MDGA2: variants seen among roughly 807,000 people sequenced by gnomAD.
MDGA2 encodes the protein MAM domain containing glycosylphosphatidylinositol anchor 2.
MDGA2 carries 40 observed loss-of-function variants against 117.8 expected under a neutral mutation model. The observed-to-expected ratio is 0.34, with a 90% CI of 0.26 to 0.44. The LOEUF (loss-of-function observed/expected upper bound fraction) is 0.44. Ranked by LOEUF, MDGA2 falls within the 20% of genes least tolerant of loss-of-function variation. The pLI is 1.00. For missense variants in MDGA2, 1,123 were observed against 1,250.6 expected, an observed-to-expected ratio of 0.90 and a Z score of 1.54; for synonymous variants, 452 against 439.0, an observed-to-expected ratio of 1.03 and a Z score of -0.37.
chr14:47,524,225 T>C (rs1894926368), intron 1 of MDGA2, among the ~76,000 whole-genome samples: 1 of 150,508 alleles, frequency 6.6e-6, no homozygotes, highest in Non-Finnish European at 1.5e-5. Context: ...TTAAACCTAT[T>C]AGACTGAGTA....
chr14:47,553,990 C>A (rs1217197540), intron 1 of MDGA2, among the ~76,000 whole-genome samples: 1 of 152,100 alleles, frequency 6.6e-6, no homozygotes, highest in Non-Finnish European at 1.5e-5. Flanking sequence ...TGTTTTAATC[C>A]TTCCTCCTTT....
At chr14:47,016,530 T>C (rs1221513878) in intron 8 of MDGA2, among the ~76,000 whole-genome samples, 1 of 151,948 alleles carries the variant, frequency 6.6e-6, no homozygotes, top group Admixed American at 6.6e-5. Context: ...ACTTAAAAAA[T>C]AAATGCACTG....
At chr14:47,181,143 T>C (rs1365126387) in intron 3 of MDGA2, among the ~76,000 whole-genome samples, 1 of 152,170 alleles carries the variant, frequency 6.6e-6, no homozygotes, top group Non-Finnish European at 1.5e-5. Flanking sequence ...TACATAGGTA[T>C]ACATGAGCCA....
At chr14:47,072,943 A>AC (rs1398092790) in intron 6 of MDGA2, among the ~76,000 whole-genome samples, 6 of 152,174 alleles carry the variant, frequency 3.9e-5, no homozygotes, top group African/African-American at 1.4e-4. Context: ...ATTTAAACGT[A>AC]ACTCCCATAA....
intron 1 of MDGA2, among the ~76,000 whole-genome samples, chr14:47,554,013 C>T (rs144872949): frequency 1.1e-4 from 16 of 152,282 alleles, no homozygotes; most frequent in African/African-American, 3.9e-4. Context: ...CCGTCCACCC[C>T]CCGTTATCAT....
intron 1 of MDGA2, among the ~76,000 whole-genome samples, chr14:47,441,924 G>A (rs978632418): frequency 6.6e-6 from 1 of 152,114 alleles, no homozygotes; most frequent in Non-Finnish European, 1.5e-5. Context: ...CTGTGCAACA[G>A]AACAAATATT....
At position 47,162,679 on chromosome 14, in the gene MDGA2, C is replaced by T. The variant is rs191737417; in HGVS notation, c.596-18405G>A. Among the ~76,000 whole-genome samples, 32 of 152,124 alleles carry T rather than the reference C, an allele frequency of 2.1e-4. No individual in the cohort carries two copies. In the East Asian group the frequency reaches 3.7e-3, roughly 18 times the overall value. ...AATGTAATTATTTTTCTAAAATTTC[C>T]GGTATTTGTATATTATTTCCATAGG... is the stretch of plus-strand genomic sequence containing the variant. On this transcript the variant is annotated intron_variant, in intron 3 of 16. Coordinates refer to ENST00000399232, the MANE Select transcript of MDGA2 (RefSeq NM_001113498.3).
intron 15 of MDGA2, among the ~76,000 whole-genome samples, chr14:46,850,614 T>C (rs938025930): frequency 6.6e-6 from 1 of 151,994 alleles, no homozygotes; most frequent in South Asian, 2.1e-4. Context: ...CTTTATTTTA[T>C]CACTGGTTTA....
chr14:47,018,338 G>T (rs1888157401), intron 8 of MDGA2, among the ~76,000 whole-genome samples: 1 of 152,050 alleles, frequency 6.6e-6, no homozygotes, highest in Non-Finnish European at 1.5e-5. Context: ...ATCTCACTCA[G>T]ATGGGAATTA....
At chr14:47,302,503 T>G (rs972883465) in intron 1 of MDGA2, among the ~76,000 whole-genome samples, 14 of 152,194 alleles carry the variant, frequency 9.2e-5, no homozygotes, top group African/African-American at 2.7e-4. Context: ...TAAAGGACAG[T>G]GATCTCAAGA....
At chr14:47,053,640 TATATATATATATATAC>T (rs1453114984) in intron 7 of MDGA2, among the ~76,000 whole-genome samples, 1,019 of 63,400 alleles carry the variant, frequency 0.016, 28 homozygotes, top group African/African-American at 0.045. Context: ...TATATATATA[TATATATATATATATAC>T]ACACACACAC....
chr14:47,507,732 C>A (rs552204954), intron 1 of MDGA2, among the ~76,000 whole-genome samples: 1 of 152,290 alleles, frequency 6.6e-6, no homozygotes, highest in Non-Finnish European at 1.5e-5. Flanking sequence ...TTCTATGGAT[C>A]TTATCTTCAG....
chr14:47,224,305 A>ATAGATACAGATATAGATG (rs1341355295), intron 2 of MDGA2, among the ~76,000 whole-genome samples: 14 of 152,014 alleles, frequency 9.2e-5, no homozygotes, highest in Admixed American at 9.2e-4. Flanking sequence ...AGATATAGAT[A>ATAGATACAGATATAGATG]TAGATATAGA....
chr14:47,031,076 T>C (rs891414062), intron 8 of MDGA2, among the ~76,000 whole-genome samples: 3 of 152,056 alleles, frequency 2.0e-5, no homozygotes, highest in Admixed American at 6.6e-5. Flanking sequence ...GAGTAAGTAA[T>C]TCAAAAAGTT....
chr14:47,471,306 C>T (rs1893723555), intron 1 of MDGA2, among the ~76,000 whole-genome samples: 1 of 150,326 alleles, frequency 6.7e-6, no homozygotes, highest in African/African-American at 2.4e-5. Flanking sequence ...CATTTTTGCA[C>T]AGTCTATGCT....
rs542949424 is a variant in MDGA2 at position 47,583,953 on chromosome 14, C to T, written c.280+90564G>A. On this transcript the variant is annotated intron_variant, in intron 1 of 16. Coordinates refer to ENST00000399232, the MANE Select transcript of MDGA2 (RefSeq NM_001113498.3). ...TACTGTGCTAATGCGTAAACTGAGG[C>T]ACTAGGCAATTAAGTTACTTATTCT... Among the ~76,000 whole-genome samples the T allele has an allele frequency of 1.1e-4, 16 of 151,894 alleles. No homozygotes were observed. In the East Asian group the frequency reaches 2.7e-3, roughly 26 times the overall value.
At position 47,537,571 on chromosome 14, in the gene MDGA2, T is replaced by C. The variant is rs1271312392; in HGVS notation, c.280+136946A>G. Among the ~76,000 whole-genome samples, 6 of 64,006 alleles carry C rather than the reference T, an allele frequency of 9.4e-5. No individual in the cohort carries two copies. The Admixed American group carries it at 1.3e-3, about 14-fold the overall frequency. The allele number at this position is 64,006 out of a possible 152,430, so 42.0% of individuals were successfully genotyped here. A position where few individuals can be genotyped will look rare whatever the true frequency, so the allele number is the denominator to read the frequency against. On this transcript the variant is annotated intron_variant, in intron 1 of 16. Transcript: ENST00000399232. ...CTATTATCCACTGTTACCTTCTCTC[T>C]GTTAAAAAAAAAAAAAAAAAAAAAA...
chr14:47,613,816 T>C (rs1896898408), intron 1 of MDGA2, among the ~76,000 whole-genome samples: 1 of 152,124 alleles, frequency 6.6e-6, no homozygotes, highest in East Asian at 1.9e-4. Flanking sequence ...CATTCACTTA[T>C]TAAAAATTTT....
chr14:47,087,371 G>C (rs932052044), intron 6 of MDGA2, among the ~76,000 whole-genome samples: 3 of 147,800 alleles, frequency 2.0e-5, no homozygotes, highest in African/African-American at 7.5e-5. Context: ...CAAAAAATTA[G>C]CCAGGCATGG....
Sources: allele counts gnomAD v4.1 joint callset (sites outside exome capture counted in the v4.1 genomes callset), GRCh38; gene constraint gnomAD v4.1.1; transcripts MANE v1.5; gene names NCBI Gene and HGNC (gene_info 2026-07-23, HGNC 2026-07-21).